PAH: variants seen among roughly 807,000 people sequenced by gnomAD.
The protein encoded by PAH is phenylalanine-4-hydroxylase.
In PAH, 64 loss-of-function variants were observed where a neutral mutation model predicts 62.0. The observed-to-expected ratio is 1.03, with a 90% CI of 0.84 to 1.27. The LOEUF (loss-of-function observed/expected upper bound fraction) is 1.27. PAH is among the 50% of genes most tolerant of loss of function. The pLI, the probability that PAH is intolerant of heterozygous loss-of-function variation, is 0.00. For synonymous variants in PAH, 195 were observed against 196.2 expected, an observed-to-expected ratio of 0.99 and a Z score of 0.05; for missense variants, 579 against 542.8, an observed-to-expected ratio of 1.07 and a Z score of -0.66.
chr12:102,890,061 T>C (rs1877211351), intron 3 of PAH, among the ~76,000 whole-genome samples: 1 of 152,242 alleles, frequency 6.6e-6, no homozygotes, highest in Non-Finnish European at 1.5e-5. Flanking sequence ...GGGGTTTCTT[T>C]ACCATGTCGC....
At chr12:102,951,785 C>T (rs541816276), upstream of PAH, among the ~76,000 whole-genome samples, 1 of 148,862 alleles carries the variant, frequency 6.7e-6, no homozygotes, top group African/African-American at 2.5e-5. Flanking sequence ...TTAAATTGTC[C>T]CCCCTTCCCC....
chr12:102,955,816 G>C (rs1176888196), upstream of PAH, among the ~76,000 whole-genome samples: 2 of 152,176 alleles, frequency 1.3e-5, no homozygotes, highest in Non-Finnish European at 2.9e-5. Context: ...GGTTCAGCCA[G>C]TCCTGTGAGG....
chr12:102,879,583 G>C (rs1876731570), intron 3 of PAH, among the ~76,000 whole-genome samples: 1 of 145,672 alleles, frequency 6.9e-6, no homozygotes, highest in Non-Finnish European at 1.5e-5. Context: ...AACACTGAAT[G>C]GTGTTCTAAA....
chr12:102,924,741 A>C (rs1450863925), intron 1 of PAH, among the ~76,000 whole-genome samples: 1 of 152,160 alleles, frequency 6.6e-6, no homozygotes. Context: ...TCCTAAGCTC[A>C]GTGTTCCTTG....
intron 4 of PAH, among the ~76,000 whole-genome samples, chr12:102,869,634 C>T (rs899093753): frequency 1.3e-5 from 2 of 152,174 alleles, no homozygotes; most frequent in African/African-American, 4.8e-5. Flanking sequence ...GGTTTCTAAC[C>T]ATGACCCTTT....
intron 1 of PAH, among the ~76,000 whole-genome samples, chr12:102,945,528 A>T (rs118071557): frequency 1.3e-5 from 2 of 152,102 alleles, no homozygotes; most frequent in African/African-American, 2.4e-5. Flanking sequence ...AGTTCTTCCC[A>T]TTCTTCCCTC....
At chr12:102,870,080 G>A (rs1228044355) in intron 4 of PAH, among the ~76,000 whole-genome samples, 2 of 152,146 alleles carry the variant, frequency 1.3e-5, no homozygotes, top group African/African-American at 4.8e-5. Context: ...AGTCGAGAGA[G>A]TTCTACAGGA....
At chr12:102,947,917 T>G (rs1367452685) in intron 1 of PAH, among the ~76,000 whole-genome samples, 1 of 152,100 alleles carries the variant, frequency 6.6e-6, no homozygotes, top group East Asian at 1.9e-4. Flanking sequence ...AGAAGACTAG[T>G]GCCCCAGCTC....
chr12:102,867,988 TA>T (rs200094262), intron 4 of PAH, among the ~76,000 whole-genome samples: 2,077 of 78,592 alleles, frequency 0.026, 251 homozygotes, highest in Admixed American at 0.067. Flanking sequence ...TATAGATGTA[TA>T]TTACATGTAT....
At chr12:102,906,330 A>G (rs936023033) in intron 2 of PAH, among the ~76,000 whole-genome samples, 1 of 152,186 alleles carries the variant, frequency 6.6e-6, no homozygotes, top group East Asian at 1.9e-4. Context: ...AAATGTCCAT[A>G]TCCTACGACC....
intron 3 of PAH, among the ~76,000 whole-genome samples, chr12:102,889,997 A>G (rs965837380): frequency 6.6e-6 from 1 of 152,238 alleles, no homozygotes; most frequent in African/African-American, 2.4e-5. Context: ...GACTCTCTGG[A>G]TTAAAATCCT....
rs1565846198 is a variant in PAH at position 102,851,719 on chromosome 12, A to G, written c.880T>C (p.Phe294Leu). The change falls in exon 8 of 13, where the codon TTT becomes CTT. Residue 294 changes from phenylalanine to leucine, a missense_variant. Physicochemically the swap from Phe to Leu is conservative, Grantham distance 22 (BLOSUM62 0). Transcript: ENST00000553106. Reference protein sequence around the residue: ...CHELLGHVPLFSDRSFAQFSQ... With the variant: ...CHELLGHVPLLSDRSFAQFSQ... ...AACTGGGCAAAGCTGCGATCTGAAA[A>G]CAAGGGCACATGTCCCAACAGCTCA... 2 of 1,614,002 alleles carry G rather than the reference A, an allele frequency of 1.2e-6. No homozygotes were observed. The highest frequency in any genetic ancestry group is 1.3e-5 in the African/African-American group (1 of 74,920).
intron 5 of PAH, among the ~76,000 whole-genome samples, chr12:102,862,634 T>C (rs1432640284): frequency 6.6e-6 from 1 of 152,152 alleles, no homozygotes; most frequent in Non-Finnish European, 1.5e-5. Context: ...CACAAACAGA[T>C]GTAAACCAAA....
rs1229487239 is a variant in PAH at position 102,894,760 on chromosome 12, A to G, written c.327T>C (p.Leu109=). 1.2e-6 allele frequency: 2 copies of G among 1,614,120 alleles called. No individual in the cohort carries two copies. The highest frequency in any genetic ancestry group is 1.7e-6 in the Non-Finnish European group (2 of 1,180,000). The change falls in exon 3 of 13, where the codon CTT becomes CTC. Residue 109 remains leucine (L), a synonymous_variant. Coordinates refer to ENST00000553106, the MANE Select transcript of PAH (RefSeq NM_000277.3). ...CTGTGTCTTTCTTCTTATCTCGTGA[A>G]AGCTCATGGACAGTGGCACCAATGT... is the stretch of plus-strand genomic sequence containing the variant. ...RHDIGATVHE[L]SRDKKKDTVP... is the part of the protein sequence containing the mutation.
intron 5 of PAH, among the ~76,000 whole-genome samples, chr12:102,865,816 C>T (rs1875930422): frequency 6.6e-6 from 1 of 152,176 alleles, no homozygotes; most frequent in Non-Finnish European, 1.5e-5. Context: ...CCATCATCTT[C>T]TCCATCTCCC....
chr12:102,957,223 C>A lies in PAH; in HGVS notation c.-96+972G>T, dbSNP rs1207931763. Among the ~76,000 whole-genome samples the A allele has an allele frequency of 6.6e-6, 1 of 152,194 alleles. No individual in the cohort carries two copies. Among genetic ancestry groups the A allele is most frequent in the Non-Finnish European group, 1.5e-5 (1 of 68,020 alleles). ...TCCTGTGCCATTTTTTCTGCCCAAA[C>A]CCTTCCCTGCGCTTTGCTTCAAGTT... On this transcript the variant is annotated intron_variant, in intron 1 of 4. Transcript: ENST00000551337. This position sits in a 1 kb window ranked among gnomAD's most constrained non-coding sequence, Gnocchi z 4.1.
At chr12:102,943,739 T>C (rs970187393) in intron 1 of PAH, among the ~76,000 whole-genome samples, 3 of 152,128 alleles carry the variant, frequency 2.0e-5, no homozygotes, top group African/African-American at 7.2e-5. Flanking sequence ...TAAAAATGAA[T>C]GAAATCATGT....
At chr12:102,875,914 A>G (rs1454848092) in intron 4 of PAH, among the ~76,000 whole-genome samples, 1 of 136,784 alleles carries the variant, frequency 7.3e-6, no homozygotes, top group Admixed American at 8.5e-5. Context: ...ATTTGTGTGC[A>G]TATATATACA....
At chr12:102,856,078 C>A (rs112620314) in intron 5 of PAH, among the ~76,000 whole-genome samples, 1 of 149,740 alleles carries the variant, frequency 6.7e-6, no homozygotes, top group African/African-American at 2.5e-5. Context: ...AATTAGAAAA[C>A]TAAATAAATA....
Sources: allele counts gnomAD v4.1 joint callset (sites outside exome capture counted in the v4.1 genomes callset), GRCh38; gene constraint gnomAD v4.1.1; non-coding constraint Gnocchi (gnomAD v3.1); transcripts MANE v1.5; gene names NCBI Gene and HGNC (gene_info 2026-07-23, HGNC 2026-07-21).